Variants in ARL10 observed in about 807,000 individuals in gnomAD.
ARL10 encodes ARF like GTPase 10, also known as ADP-ribosylation factor-like protein 10.
A neutral mutation model predicts 26.1 loss-of-function variants in ARL10; 23 were observed. The ratio of observed to expected loss-of-function variants is 0.88; its 90% CI spans 0.63 to 1.25. The LOEUF is 1.25. Among genes scored for constraint, ARL10 ranks in the 50% most tolerant of loss-of-function variants. The probability of loss-of-function intolerance (pLI) is 0.00; values close to 1 mark genes in which losing one functional copy is unlikely to be tolerated. For synonymous variants in ARL10, 138 were observed against 149.1 expected, an observed-to-expected ratio of 0.93 and a Z score of 0.54; for missense variants, 300 against 323.6, an observed-to-expected ratio of 0.93 and a Z score of 0.56.
chr5:176,392,735 G>GCCCAGC (rs1019650291), downstream of ARL10: 1 of 1,608,522 alleles, frequency 6.2e-7, no homozygotes, highest in African/African-American at 1.3e-5. This position sits in a 1 kb window ranked among gnomAD's most constrained non-coding sequence, Gnocchi z 5.2. Flanking sequence ...CTGTGCCCAG[G>GCCCAGC]CCCAGCCCAT....
At chr5:176,384,495 G>T, downstream of ARL10, 1 of 972,010 alleles carries the variant, frequency 1.0e-6, no homozygotes, top group Non-Finnish European at 1.5e-6. Context: ...TGACCTCAAA[G>T]GCTGTGGTGC....
At chr5:176,389,055 C>A (rs1756143149), downstream of ARL10, 1 of 1,541,510 alleles carries the variant, frequency 6.5e-7, no homozygotes, top group South Asian at 1.1e-5. Flanking sequence ...AGAGCGCTAG[C>A]GGGGAGCGGA....
At chr5:176,404,563 T>C (rs1161951412), downstream of ARL10, among the ~76,000 whole-genome samples, 1 of 152,204 alleles carries the variant, frequency 6.6e-6, no homozygotes, top group African/African-American at 2.4e-5. Context: ...CAGCCTGCAG[T>C]CTGGGTGTGG....
rs144644638 is a variant in ARL10, at chr5:176,375,476, A to G, written c.*3581A>G. 8 of 152,320 alleles carry G rather than the reference A, an allele frequency of 5.3e-5. No individual in the cohort carries two copies. In the East Asian group the frequency reaches 1.3e-3, roughly 26 times the overall value. The allele number at this position is 152,320 out of a possible 1,614,324, so 9.4% of individuals were successfully genotyped here. ...TCACTGCCGCCAAAAGTGAGTCCGCAGGAACTCCACTGGAATATTTGCTCA... is the reference window on the plus strand; with the variant it reads ...TCACTGCCGCCAAAAGTGAGTCCGCGGGAACTCCACTGGAATATTTGCTCA... On this transcript the variant is annotated 3_prime_UTR_variant, in exon 4 of 4. Transcript: ENST00000310389.
chr5:176,388,180 G>A, intron 1 of ARL10: 1 of 1,344,822 alleles, frequency 7.4e-7, no homozygotes, highest in African/African-American at 1.4e-5. Context: ...ACCTAGGTCA[G>A]TATGGCGGGG....
At chr5:176,413,334 A>G in the ARL10 span, among the ~76,000 whole-genome samples, 2 of 152,236 alleles carry the variant, frequency 1.3e-5, no homozygotes, top group Non-Finnish European at 2.9e-5. Flanking sequence ...AGCGGGGGAA[A>G]TGGGCTTGCC....
chr5:176,371,001 C>T (rs1352927406), intron 3 of ARL10, among the ~76,000 whole-genome samples: 2 of 152,214 alleles, frequency 1.3e-5, no homozygotes, highest in Non-Finnish European at 2.9e-5. Flanking sequence ...CTACTTTTCT[C>T]ATCAATTAAG....
At chr5:176,390,880 A>G (rs796693811), downstream of ARL10, among the ~76,000 whole-genome samples, 14 of 152,286 alleles carry the variant, frequency 9.2e-5, no homozygotes, top group African/African-American at 3.4e-4. Context: ...CTGGAAGAGG[A>G]GGCTGAGGAC....
chr5:176,414,716 T>C, the ARL10 span, among the ~76,000 whole-genome samples: 1 of 152,162 alleles, frequency 6.6e-6, no homozygotes, highest in African/African-American at 2.4e-5. Flanking sequence ...AAGTCCTAGA[T>C]TGGTCATTCC....
chr5:176,389,321 C>G (rs1756163484), downstream of ARL10: 1 of 1,610,312 alleles, frequency 6.2e-7, no homozygotes, highest in Admixed American at 1.7e-5. Flanking sequence ...TTGCTTTGTC[C>G]CCTCCTCAGG....
downstream of ARL10, among the ~76,000 whole-genome samples, chr5:176,383,280 C>T (rs1755597148): frequency 6.6e-6 from 1 of 152,218 alleles, no homozygotes; most frequent in Non-Finnish European, 1.5e-5. Flanking sequence ...ATAGGCGATC[C>T]TGAGAAACCC....
At position 176,380,283 on chromosome 5, in the gene ARL10, G is replaced by A. The variant is rs1755519081; in HGVS notation, c.*8388G>A. On this transcript the variant is annotated 3_prime_UTR_variant, in exon 4 of 4. Transcript: ENST00000310389. ...TTTAGATTTGTATAATCCTTTAGATGCCTCTGCATACCGATTTAAAATGCA... is the reference window on the plus strand; with the variant it reads ...TTTAGATTTGTATAATCCTTTAGATACCTCTGCATACCGATTTAAAATGCA... The A allele has an allele frequency of 6.6e-6, 1 of 152,110 alleles. No individual in the cohort carries two copies. Among genetic ancestry groups the A allele is most frequent in the Admixed American group, 6.5e-5 (1 of 15,274 alleles). The allele number at this position is 152,110 out of a possible 1,614,324, so 9.4% of individuals were successfully genotyped here.
At chr5:176,408,669 C>T in the ARL10 span, among the ~76,000 whole-genome samples, 5 of 152,284 alleles carry the variant, frequency 3.3e-5, no homozygotes, top group Middle Eastern at 3.4e-3. Context: ...ACTATAGGCA[C>T]ACACTATTGC....
At chr5:176,384,908 A>C (rs539773040), downstream of ARL10, 1 of 548,030 alleles carries the variant, frequency 1.8e-6, no homozygotes, top group Non-Finnish European at 3.2e-6. Flanking sequence ...TCAACTGTTA[A>C]AGGAAGCCAA....
chr5:176,395,680 C>T (rs540060776), intron 1 of ARL10, among the ~76,000 whole-genome samples: 2 of 152,220 alleles, frequency 1.3e-5, no homozygotes, highest in East Asian at 3.9e-4. Context: ...AAGTAGACCC[C>T]AAACCTGAAA....
At chr5:176,411,052 G>A in the ARL10 span, among the ~76,000 whole-genome samples, 17 of 152,330 alleles carry the variant, frequency 1.1e-4, no homozygotes, top group East Asian at 7.7e-4. Flanking sequence ...TGCTTTGCCC[G>A]CTAGGGGCAA....
chr5:176,412,053 G>A, the ARL10 span, among the ~76,000 whole-genome samples: 3 of 151,818 alleles, frequency 2.0e-5, no homozygotes, highest in South Asian at 2.1e-4. Flanking sequence ...GCAGGCGCCT[G>A]TAGTCCCAGC....
chr5:176,406,904 G>A, the ARL10 span, among the ~76,000 whole-genome samples: 1 of 152,210 alleles, frequency 6.6e-6, no homozygotes, highest in Non-Finnish European at 1.5e-5. Context: ...GAGTCGTAAT[G>A]CAAAGCACAC....
At chr5:176,403,041 C>T (rs1756902751), downstream of ARL10, among the ~76,000 whole-genome samples, 1 of 150,250 alleles carries the variant, frequency 6.7e-6, no homozygotes, top group African/African-American at 2.5e-5. Context: ...TCCATAAAGC[C>T]TGCCCTAATT....
Sources: gnomAD v4.1 joint callset for allele counts (sites outside exome capture counted in the v4.1 genomes callset) on GRCh38, gnomAD v4.1.1 for gene constraint, Gnocchi (gnomAD v3.1) non-coding constraint, MANE v1.5 for transcripts, NCBI Gene and HGNC (gene_info 2026-07-23, HGNC 2026-07-21) for gene names.